The following ATP2A1 variants were observed in gnomAD, a reference collection of about 807,000 sequenced individuals.
ATP2A1 encodes the protein sarcoplasmic/endoplasmic reticulum calcium ATPase 1.
In ATP2A1, 83 loss-of-function variants were observed where a neutral mutation model predicts 109.5. The ratio of observed to expected loss-of-function variants is 0.76; its 90% CI spans 0.63 to 0.91. ATP2A1 has a LOEUF of 0.91. Ranked by LOEUF, ATP2A1 falls within the 40% of genes least tolerant of loss-of-function variation. ATP2A1 has a pLI of 0.00. For missense variants in ATP2A1, 1,101 were observed against 1,341.0 expected (o/e 0.82, Z 2.80); for synonymous variants, 505 against 537.6 (o/e 0.94, Z 0.84).
rs1342415694 is a variant in ATP2A1 at position 28,898,891 on chromosome 16, G to A, written c.1764+440G>A. ...CCAGCTACTGGGGAGCCTGAGGTGGGAGGATCACTTGAACCTAGGAGTTGG... is the reference window on the plus strand; with the variant it reads ...CCAGCTACTGGGGAGCCTGAGGTGGAAGGATCACTTGAACCTAGGAGTTGG... On this transcript the variant is annotated intron_variant, in intron 14 of 22. Coordinates refer to ENST00000395503, the MANE Select transcript of ATP2A1 (RefSeq NM_004320.6). The surrounding 1 kb of genome is among the most constrained non-coding windows in gnomAD (Gnocchi z 4.0). 6.6e-6 allele frequency among the ~76,000 whole-genome samples: 1 copy of A among 152,146 alleles called. No individual in the cohort carries two copies. Among genetic ancestry groups the A allele is most frequent in the Non-Finnish European group, 1.5e-5 (1 of 68,036 alleles).
At chr16:28,892,916 T>C (rs377474091) in intron 9 of ATP2A1, among the ~76,000 whole-genome samples, 1 of 151,946 alleles carries the variant, frequency 6.6e-6, no homozygotes, top group East Asian at 1.9e-4. Context: ...TGGTGGCGTA[T>C]GCCTGTACTC....
Position 28,880,904 on chromosome 16 carries a change from C to T in ATP2A1, c.220-11C>T, listed in dbSNP as rs369161791. On this transcript the variant is annotated splice_polypyrimidine_tract_variant and intron_variant, in intron 3 of 22. Coordinates refer to ENST00000395503, the MANE Select transcript of ATP2A1 (RefSeq NM_004320.6). This position sits in a 1 kb window ranked among gnomAD's most constrained non-coding sequence, Gnocchi z 4.2. ...TCATTACCTGTCATTCTCCTTTCCCCTGCTCCCCAGGTGCTGGCCTGGTTT... is the reference window on the plus strand; with the variant it reads ...TCATTACCTGTCATTCTCCTTTCCCTTGCTCCCCAGGTGCTGGCCTGGTTT... The T allele has an allele frequency of 7.3e-5, 117 of 1,612,576 alleles. No homozygotes were observed. The highest frequency in any genetic ancestry group is 9.2e-5 in the Non-Finnish European group (109 of 1,178,662).
intron 14 of ATP2A1, among the ~76,000 whole-genome samples, chr16:28,899,826 G>GGTGC (rs1403816863): frequency 5.3e-5 from 8 of 151,608 alleles, no homozygotes; most frequent in Non-Finnish European, 8.8e-5. Context: ...CAGGCGTGGT[G>GGTGC]GTGCGCCCTT....
chr16:28,896,237 T>C (rs1287956890), intron 12 of ATP2A1, among the ~76,000 whole-genome samples: 2 of 152,148 alleles, frequency 1.3e-5, no homozygotes, highest in African/African-American at 4.8e-5. Context: ...TGTTTGTTTG[T>C]CTGTCTGTTT....
chr16:28,891,508 G>A (rs373155510), intron 9 of ATP2A1, among the ~76,000 whole-genome samples: 2 of 146,018 alleles, frequency 1.4e-5, no homozygotes, highest in East Asian at 4.1e-4. Context: ...CAGGAGAATT[G>A]CTTGAACCTG....
In ATP2A1 at chr16:28,880,130, C is replaced by T; in HGVS notation, c.219+547C>T. On this transcript the variant is annotated intron_variant, in intron 3 of 22. Coordinates refer to ENST00000395503, the MANE Select transcript of ATP2A1 (RefSeq NM_004320.6). This position sits in a 1 kb window ranked among gnomAD's most constrained non-coding sequence, Gnocchi z 4.2. Reference sequence around the variant, plus strand: ...GCACTGGCATCCCTCATTACCCGCCCAGCCTGGCCTTAGCCCTTCCCCGCG... The same window carrying T: ...GCACTGGCATCCCTCATTACCCGCCTAGCCTGGCCTTAGCCCTTCCCCGCG... 1.0e-6 allele frequency: 1 copy of T among 995,756 alleles called. No individual in the cohort carries two copies. Among genetic ancestry groups the T allele is most frequent in the Non-Finnish European group, 1.2e-6 (1 of 838,168 alleles). The allele number at this position is 995,756 out of a possible 1,614,324, so 61.7% of individuals were successfully genotyped here.
rs564895344 is a variant in ATP2A1, at chr16:28,883,702, G to A, written c.464-873G>A. On this transcript the variant is annotated intron_variant, in intron 5 of 22. Coordinates refer to ENST00000395503, the MANE Select transcript of ATP2A1 (RefSeq NM_004320.6). The surrounding 1 kb of genome is among the most constrained non-coding windows in gnomAD (Gnocchi z 5.2). Reference sequence around the variant, plus strand: ...CCATGGCCTGCCAGCCCACCTGTGCGTCTCCCTGGCCTCACCTCCACCCAT... The same window carrying A: ...CCATGGCCTGCCAGCCCACCTGTGCATCTCCCTGGCCTCACCTCCACCCAT... Among the ~76,000 whole-genome samples the A allele has an allele frequency of 9.9e-5, 15 of 152,146 alleles. No individual in the cohort carries two copies. The highest frequency in any genetic ancestry group is 2.4e-4 in the African/African-American group (10 of 41,518).
intron 6 of ATP2A1, among the ~76,000 whole-genome samples, chr16:28,885,076 C>CA (rs1484896813): frequency 6.6e-6 from 1 of 151,498 alleles, no homozygotes; most frequent in Non-Finnish European, 1.5e-5. Context: ...CCATCTCTAC[C>CA]AAAAAATACA....
intron 6 of ATP2A1, 127 bp downstream of exon 6, chr16:28,884,782 C>CA: frequency 1.3e-5 from 12 of 945,716 alleles, no homozygotes; most frequent in South Asian, 1.7e-5. Context: ...CCTGTCTCTA[C>CA]AAAAAAATTT....
chr16:28,887,760 C>T, intron 8 of ATP2A1, 38 bp downstream of exon 8: 1 of 1,604,960 alleles, frequency 6.2e-7, no homozygotes, highest in Non-Finnish European at 8.5e-7. Context: ...ATTTGCTAAT[C>T]CCATCTGCAA....
chr16:28,898,300 C>T lies in ATP2A1; in HGVS notation c.1613C>T (p.Thr538Met), dbSNP rs763211121. Residue 538 changes from threonine to methionine, a missense_variant, in exon 14 of 23, where the codon ACG becomes ATG. Physicochemically the swap from Thr to Met is moderately conservative, Grantham distance 81 (BLOSUM62 -1). Transcript: ENST00000395503. This position sits in a 1 kb window ranked among gnomAD's most constrained non-coding sequence, Gnocchi z 4.0. ...GTTGGCACCACCCGGGTGCCACTGA[C>T]GGGGCCGGTGAAGGAAAAGATCATG... ...VRVGTTRVPL[T>M]GPVKEKIMAV... 68 of 1,614,074 alleles carry T rather than the reference C, an allele frequency of 4.2e-5. 1 individual carries two copies. The highest frequency in any genetic ancestry group is 4.9e-5 in the Non-Finnish European group (58 of 1,180,046).
At chr16:28,900,524 C>T in intron 14 of ATP2A1, 57 bp from the exon 15 acceptor site, 2 of 1,459,598 alleles carry the variant, frequency 1.4e-6, no homozygotes, top group Non-Finnish European at 1.8e-6. Flanking sequence ...CCAGCTTCCT[C>T]CAGGGGAGTT....
rs145087336 is a variant in ATP2A1, at chr16:28,881,244, C to T, written c.324+225C>T. 3.9e-5 allele frequency among the ~76,000 whole-genome samples: 6 copies of T among 152,240 alleles called. No individual in the cohort carries two copies. The East Asian group carries it at 1.2e-3, about 29-fold the overall frequency. On this transcript the variant is annotated intron_variant, in intron 4 of 22. Transcript: ENST00000395503. The stretch of plus-strand genomic sequence containing the variant: ...GAGCAAGTTCCTTCATCCCTCTGAG[C>T]CTCAGTTTCTTCATCCATAAAATGG...
At chr16:28,901,358 G>A (rs921311057) in intron 15 of ATP2A1, among the ~76,000 whole-genome samples, 3 of 150,542 alleles carry the variant, frequency 2.0e-5, no homozygotes, top group Non-Finnish European at 3.0e-5. Flanking sequence ...AAAGGTGGGC[G>A]GAGGGGCTCA....
chr16:28,888,405 T>C (rs948823634), intron 8 of ATP2A1, among the ~76,000 whole-genome samples: 2 of 151,766 alleles, frequency 1.3e-5, no homozygotes, highest in Admixed American at 1.3e-4. Flanking sequence ...TTGCGGACCA[T>C]TATTGTTTGT....
At position 28,903,179 on chromosome 16, in the gene ATP2A1, C is replaced by G. The variant is rs1370759073; in HGVS notation, c.2862+32C>G. 9 of 1,609,008 alleles carry G rather than the reference C, an allele frequency of 5.6e-6. No individual in the cohort carries two copies. The highest frequency in any genetic ancestry group is 1.7e-5 in the Admixed American group (1 of 59,996). Reference sequence around the variant, plus strand: ...TTTCTTCCGCCCAGGGCCGCCCACCCCAGCACTGGGGAGCCCACGGCGGGC... The same window carrying G: ...TTTCTTCCGCCCAGGGCCGCCCACCGCAGCACTGGGGAGCCCACGGCGGGC... On this transcript the variant is annotated intron_variant, in intron 20 of 22. Transcript: ENST00000395503. The surrounding 1 kb of genome is among the most constrained non-coding windows in gnomAD (Gnocchi z 5.6).
intron 22 of ATP2A1, 32 bp from the exon 23 acceptor site, chr16:28,904,148 G>A (rs373291670): frequency 7.4e-5 from 117 of 1,588,420 alleles, no homozygotes; most frequent in Non-Finnish European, 8.9e-5. Context: ...CCCTCCTGCC[G>A]CCTGCCTCAT....
At chr16:28,893,236 AGAG>A (rs1329665027) in intron 9 of ATP2A1, among the ~76,000 whole-genome samples, 11 of 139,242 alleles carry the variant, frequency 7.9e-5, no homozygotes, top group African/African-American at 3.2e-4. Context: ...AAAAAAAAAA[AGAG>A]AGAGAGAGAG....
intron 9 of ATP2A1, among the ~76,000 whole-genome samples, chr16:28,893,628 C>T (rs746244270): frequency 2.0e-5 from 3 of 149,002 alleles, no homozygotes; most frequent in South Asian, 2.1e-4. Context: ...GCACAGCCTG[C>T]GGTCACTCGT....
Sources: allele counts gnomAD v4.1 joint callset (sites outside exome capture counted in the v4.1 genomes callset), GRCh38; gene constraint gnomAD v4.1.1; non-coding constraint Gnocchi (gnomAD v3.1); transcripts MANE v1.5; gene names NCBI Gene and HGNC (gene_info 2026-07-23, HGNC 2026-07-21).